The following ADD3 variants were observed in gnomAD, a reference collection of about 807,000 sequenced individuals.
ADD3 encodes the protein adducin 3.
A neutral mutation model predicts 80.2 loss-of-function variants in ADD3; 25 were observed. The observed-to-expected ratio is 0.31, with a 90% CI of 0.23 to 0.44. The LOEUF (loss-of-function observed/expected upper bound fraction) is 0.44, where lower values mean the gene tolerates loss of function less well. ADD3 is among the 20% of genes least tolerant of loss of function. The probability of loss-of-function intolerance (pLI) is 1.00; values close to 1 mark genes in which losing one functional copy is unlikely to be tolerated. For synonymous variants in ADD3, 284 were observed against 289.6 expected, an observed-to-expected ratio of 0.98 and a Z score of 0.20; for missense variants, 829 against 847.5, an observed-to-expected ratio of 0.98 and a Z score of 0.27.
chr10:110,098,434 T>C, intron 1 of ADD3, among the ~76,000 whole-genome samples: 1 of 152,196 alleles, frequency 6.6e-6, no homozygotes, highest in Non-Finnish European at 1.5e-5. Context: ...CTTTGTAATA[T>C]CCTCAGAGAG....
At chr10:110,054,269 G>T (rs1318963333) in intron 1 of ADD3, among the ~76,000 whole-genome samples, 1 of 152,016 alleles carries the variant, frequency 6.6e-6, no homozygotes, top group African/African-American at 2.4e-5. Context: ...GTAGTATAAA[G>T]ATTAAGAGCC....
At chr10:110,003,404 T>C (rs1197021705), upstream of ADD3, among the ~76,000 whole-genome samples, 2 of 152,106 alleles carry the variant, frequency 1.3e-5, no homozygotes, top group African/African-American at 2.4e-5. Context: ...ACAGGTTGTT[T>C]AGGGTAAAGT....
At chr10:110,129,836 T>G (rs1852708402) in intron 12 of ADD3, among the ~76,000 whole-genome samples, 1 of 152,340 alleles carries the variant, frequency 6.6e-6, no homozygotes, top group Admixed American at 6.5e-5. Context: ...TTTTTTCTAT[T>G]CCTTTACTAT....
At chr10:110,056,187 C>T (rs959275489) in intron 1 of ADD3, among the ~76,000 whole-genome samples, 3 of 152,158 alleles carry the variant, frequency 2.0e-5, no homozygotes, top group African/African-American at 7.2e-5. Flanking sequence ...AACCTTAATC[C>T]TCAAACTAAC....
At chr10:110,084,066 G>T (rs1227311175) in intron 1 of ADD3, among the ~76,000 whole-genome samples, 1 of 152,108 alleles carries the variant, frequency 6.6e-6, no homozygotes, top group Non-Finnish European at 1.5e-5. Context: ...GTCTTTGTGA[G>T]CCTCAGAAAA....
chr10:110,121,279 T>G (rs968519657), intron 8 of ADD3, among the ~76,000 whole-genome samples: 1 of 151,824 alleles, frequency 6.6e-6, no homozygotes, highest in Non-Finnish European at 1.5e-5. Context: ...AGGTCAGGAG[T>G]TCGAGACCAG....
Position 110,124,078 on chromosome 10 carries a change from G to A in ADD3, c.1205G>A (p.Ser402Asn), listed in dbSNP as rs371851253. 2 of 1,614,064 alleles carry A rather than the reference G, an allele frequency of 1.2e-6. No individual in the cohort carries two copies. The highest frequency in any genetic ancestry group is 2.7e-5 in the African/African-American group (2 of 74,916). ...PLIREKPRHKSDVEIPATVTA... is the reference protein window; with the variant it reads ...PLIREKPRHKNDVEIPATVTA... ...ATTCGAGAGAAGCCTAGGCACAAGA[G>A]TGATGTGGAAATCCCAGCAACTGTG... Residue 402 changes from serine to asparagine, a missense_variant, in exon 10 of 15, where the codon AGT becomes AAT. By Grantham distance (46) the Ser-to-Asn change is conservative. Transcript: ENST00000356080.
chr10:110,030,790 A>G (rs943640993), intron 1 of ADD3, among the ~76,000 whole-genome samples: 2 of 151,766 alleles, frequency 1.3e-5, no homozygotes. Context: ...GGCTACAGCT[A>G]TTCCAGCTGA....
At chr10:110,008,819 T>A (rs144207657) in intron 1 of ADD3, among the ~76,000 whole-genome samples, 1 of 152,294 alleles carries the variant, frequency 6.6e-6, no homozygotes, top group Non-Finnish European at 1.5e-5. Flanking sequence ...TTCAGTCACC[T>A]TTCTCCTATA....
chr10:110,060,060 A>G (rs1564908381), intron 1 of ADD3, among the ~76,000 whole-genome samples: 2 of 152,098 alleles, frequency 1.3e-5, no homozygotes. Context: ...AGTGAAGGGA[A>G]TAGAGTTGAG....
intron 1 of ADD3, among the ~76,000 whole-genome samples, chr10:110,062,200 TAAAAAAAAAAAAAAAAAAAA>T (rs57540485): frequency 8.5e-4 from 30 of 35,236 alleles, no homozygotes; most frequent in Middle Eastern, 0.022. Flanking sequence ...CTGTCTCTAC[TAAAAAAAAAAAAAAAAAAAA>T]AAAAAAAAAA....
chr10:110,002,944 G>C (rs1010008686), upstream of ADD3, among the ~76,000 whole-genome samples: 7 of 152,150 alleles, frequency 4.6e-5, no homozygotes, highest in African/African-American at 1.4e-4. Context: ...TTGGGGAATG[G>C]AGAACTCATT....
intron 1 of ADD3, among the ~76,000 whole-genome samples, chr10:110,068,390 T>TA (rs1844248283): frequency 6.6e-6 from 1 of 152,192 alleles, no homozygotes; most frequent in East Asian, 1.9e-4. Flanking sequence ...TTGAAAATAT[T>TA]AGAGTAAAAA....
At chr10:110,118,062 AC>A (rs1565013856) in intron 5 of ADD3, among the ~76,000 whole-genome samples, 4 of 140,484 alleles carry the variant, frequency 2.8e-5, no homozygotes, top group South Asian at 4.9e-4. Context: ...ACACACACAC[AC>A]ACACACACAC....
chr10:110,132,275 A>C, intron 13 of ADD3, 30 bp from the exon 14 acceptor site: 2 of 1,527,522 alleles, frequency 1.3e-6, no homozygotes, highest in Non-Finnish European at 1.8e-6. Flanking sequence ...TTTGTTTTGC[A>C]TGGCTTTTAA....
chr10:110,024,032 G>C (rs1163043127), intron 1 of ADD3, among the ~76,000 whole-genome samples: 3 of 152,082 alleles, frequency 2.0e-5, no homozygotes, highest in African/African-American at 7.2e-5. Context: ...AGAGAGGGAG[G>C]GGATAAGGGC....
intron 1 of ADD3, among the ~76,000 whole-genome samples, chr10:110,076,393 T>G (rs1303499853): frequency 6.6e-6 from 1 of 152,232 alleles, no homozygotes; most frequent in Non-Finnish European, 1.5e-5. Context: ...GTATAAAATT[T>G]TTTAAAGTAT....
intron 12 of ADD3, among the ~76,000 whole-genome samples, chr10:110,128,655 G>T (rs1020055018): frequency 6.6e-6 from 1 of 152,154 alleles, no homozygotes; most frequent in African/African-American, 2.4e-5. Context: ...CTGACCTCGT[G>T]ATCTGCCCGC....
intron 1 of ADD3, among the ~76,000 whole-genome samples, chr10:110,070,247 C>T (rs1000685541): frequency 1.3e-5 from 2 of 152,112 alleles, no homozygotes; most frequent in African/African-American, 2.4e-5. Flanking sequence ...TCCCTCTCCC[C>T]TGCCCCAACC....
Sources: gnomAD v4.1 joint callset for allele counts (sites outside exome capture counted in the v4.1 genomes callset) on GRCh38, gnomAD v4.1.1 for gene constraint, MANE v1.5 for transcripts, NCBI Gene and HGNC (gene_info 2026-07-23, HGNC 2026-07-21) for gene names.